Variants in SLC24A2 observed in about 807,000 individuals in gnomAD.
SLC24A2 encodes solute carrier family 24 member 2, also known as sodium/potassium/calcium exchanger 2.
A neutral mutation model predicts 62.0 loss-of-function variants in SLC24A2; 36 were observed. That is an observed-to-expected ratio of 0.58 (90% CI 0.44 to 0.77). The LOEUF (loss-of-function observed/expected upper bound fraction) is 0.77, where lower values mean the gene tolerates loss of function less well. SLC24A2 is among the 30% of genes least tolerant of loss of function. SLC24A2 has a pLI of 0.00. For missense variants in SLC24A2, 846 were observed against 817.9 expected, an observed-to-expected ratio of 1.03 and a Z score of -0.42; for synonymous variants, 358 against 294.0, an observed-to-expected ratio of 1.22 and a Z score of -2.23.
the SLC24A2 span, among the ~76,000 whole-genome samples, chr9:20,225,294 T>A: frequency 3.3e-5 from 5 of 151,754 alleles, no homozygotes; most frequent in East Asian, 6.0e-4. Flanking sequence ...CAATGCACAT[T>A]GTTGTGGCAA....
At chr9:20,032,730 T>C in the SLC24A2 span, among the ~76,000 whole-genome samples, 27,624 of 152,166 alleles carry the variant, frequency 0.18, 2,604 homozygotes, top group East Asian at 0.23. Context: ...ATTTTGCCCT[T>C]AGAGTTTCTT....
At chr9:20,250,654 A>G in the SLC24A2 span, among the ~76,000 whole-genome samples, 1 of 147,650 alleles carries the variant, frequency 6.8e-6, no homozygotes, top group Non-Finnish European at 1.5e-5. Context: ...TATGTCATGG[A>G]TTAAGGAACA....
the SLC24A2 span, among the ~76,000 whole-genome samples, chr9:19,795,390 C>T: frequency 6.6e-6 from 1 of 152,002 alleles, no homozygotes; most frequent in Middle Eastern, 3.2e-3. Flanking sequence ...CTCCACTTGC[C>T]TCTCTTTTTG....
intron 2 of SLC24A2, among the ~76,000 whole-genome samples, chr9:19,723,732 T>C (rs1821093755): frequency 6.6e-6 from 1 of 152,074 alleles, no homozygotes; most frequent in Non-Finnish European, 1.5e-5. Context: ...TTTCTAGTAA[T>C]AATTAATAAT....
the SLC24A2 span, among the ~76,000 whole-genome samples, chr9:19,863,284 G>A: frequency 6.6e-6 from 1 of 151,976 alleles, no homozygotes. Flanking sequence ...ACCCCAATAC[G>A]ATAATAGCTG....
the SLC24A2 span, among the ~76,000 whole-genome samples, chr9:20,295,904 T>C: frequency 1.3e-5 from 2 of 152,198 alleles, no homozygotes; most frequent in Non-Finnish European, 2.9e-5. Flanking sequence ...TCCCTTCTTA[T>C]ATATCTAAAT....
chr9:19,926,505 T>C, the SLC24A2 span: 1 of 151,880 alleles, frequency 6.6e-6, no homozygotes, highest in Non-Finnish European at 1.5e-5. Context: ...AGTGTCCAGG[T>C]GTTCACGGCT....
the SLC24A2 span, among the ~76,000 whole-genome samples, chr9:20,064,114 A>G: frequency 6.6e-6 from 1 of 152,258 alleles, no homozygotes; most frequent in African/African-American, 2.4e-5. Flanking sequence ...TGGTATATCC[A>G]TATAGTGGAA....
chr9:19,969,023 A>C, the SLC24A2 span, among the ~76,000 whole-genome samples: 1 of 152,140 alleles, frequency 6.6e-6, no homozygotes, highest in Non-Finnish European at 1.5e-5. Flanking sequence ...ACATTCTTCA[A>C]TCCCATTTTC....
chr9:19,641,140 C>T (rs1333684606), intron 2 of SLC24A2, among the ~76,000 whole-genome samples: 1 of 152,200 alleles, frequency 6.6e-6, no homozygotes, highest in African/African-American at 2.4e-5. Flanking sequence ...AGATGGTGGC[C>T]ACTTCCCTGT....
the SLC24A2 span, among the ~76,000 whole-genome samples, chr9:19,974,172 G>A: frequency 6.6e-6 from 1 of 152,072 alleles, no homozygotes; most frequent in Non-Finnish European, 1.5e-5. Flanking sequence ...CTAGGAGAAT[G>A]CCACTCTATA....
intron 2 of SLC24A2, among the ~76,000 whole-genome samples, chr9:19,637,366 TCTAA>T (rs1587074965): frequency 6.6e-6 from 1 of 152,196 alleles, no homozygotes; most frequent in African/African-American, 2.4e-5. Flanking sequence ...CTGTGTTTGT[TCTAA>T]CTGTTGCCCG....
the SLC24A2 span, among the ~76,000 whole-genome samples, chr9:19,845,854 C>A: frequency 6.6e-6 from 1 of 152,070 alleles, no homozygotes; most frequent in Non-Finnish European, 1.5e-5. Context: ...ATCCAAAAGT[C>A]ATTCAGGAGC....
chr9:19,983,095 G>C, the SLC24A2 span, among the ~76,000 whole-genome samples: 1 of 152,052 alleles, frequency 6.6e-6, no homozygotes, highest in South Asian at 2.1e-4. Flanking sequence ...CCTAAGATTA[G>C]GAACAAGACA....
chr9:19,774,418 T>C (rs774778909), intron 2 of SLC24A2, among the ~76,000 whole-genome samples: 12 of 152,232 alleles, frequency 7.9e-5, no homozygotes, highest in African/African-American at 1.4e-4. Flanking sequence ...TTTCATTGTG[T>C]TAACCTTTAG....
At chr9:19,854,659 A>C in the SLC24A2 span, among the ~76,000 whole-genome samples, 1 of 151,686 alleles carries the variant, frequency 6.6e-6, no homozygotes, top group Admixed American at 6.6e-5. Flanking sequence ...GGTCAGAGAG[A>C]CTGTTATGAT....
intron 2 of SLC24A2, among the ~76,000 whole-genome samples, chr9:19,699,499 T>G (rs1390676406): frequency 1.3e-5 from 2 of 152,332 alleles, no homozygotes; most frequent in East Asian, 1.9e-4. Flanking sequence ...GTTACATTCA[T>G]GCAATATTAT....
chr9:20,219,412 C>T, the SLC24A2 span, among the ~76,000 whole-genome samples: 1 of 152,186 alleles, frequency 6.6e-6, no homozygotes, highest in Non-Finnish European at 1.5e-5. Context: ...CTGAGTAAAT[C>T]ACCTAGGGCT....
chr9:20,151,698 A>G, the SLC24A2 span, among the ~76,000 whole-genome samples: 5 of 151,784 alleles, frequency 3.3e-5, no homozygotes, highest in Non-Finnish European at 5.9e-5. Context: ...AAGGGTGGGG[A>G]ATGTCACCAG....
Sources: allele counts gnomAD v4.1 joint callset (sites outside exome capture counted in the v4.1 genomes callset), GRCh38; gene constraint gnomAD v4.1.1; transcripts MANE v1.5; gene names NCBI Gene and HGNC (gene_info 2026-07-23, HGNC 2026-07-21).